Variants in LYPD6B observed in about 807,000 individuals in gnomAD.
LYPD6B encodes ly6/PLAUR domain-containing protein 6B.
LYPD6B carries 17 observed loss-of-function variants against 22.8 expected under a neutral mutation model. The observed-to-expected ratio is 0.75, with a 90% CI of 0.51 to 1.12. The LOEUF (loss-of-function observed/expected upper bound fraction) is 1.12, where lower values mean the gene tolerates loss of function less well. Among genes scored for constraint, LYPD6B ranks in the 50% most tolerant of loss-of-function variants. The pLI is 0.00. For missense variants in LYPD6B, 221 were observed against 258.3 expected, an observed-to-expected ratio of 0.86 and a Z score of 0.99; for synonymous variants, 106 against 91.6, an observed-to-expected ratio of 1.16 and a Z score of -0.90.
chr2:149,213,568 C>G (rs1282895394), intron 6 of LYPD6B, among the ~76,000 whole-genome samples: 7 of 152,204 alleles, frequency 4.6e-5, no homozygotes, highest in East Asian at 1.9e-4. Flanking sequence ...TCTAAATGAG[C>G]ATTTCACTCC....
intron 1 of LYPD6B, among the ~76,000 whole-genome samples, chr2:149,069,904 C>T (rs1209323742): frequency 6.7e-6 from 1 of 149,316 alleles, no homozygotes. Flanking sequence ...GCTAGCTGTA[C>T]AACTTTTTTT....
chr2:149,115,854 A>G (rs1182797503), intron 1 of LYPD6B, among the ~76,000 whole-genome samples: 1 of 152,252 alleles, frequency 6.6e-6, no homozygotes, highest in African/African-American at 2.4e-5. Context: ...GAAATAAACA[A>G]TTTATAAATG....
intron 3 of LYPD6B, among the ~76,000 whole-genome samples, chr2:149,188,503 T>C (rs1472186917): frequency 2.6e-5 from 4 of 152,186 alleles, no homozygotes; most frequent in African/African-American, 7.2e-5. Flanking sequence ...TCATTCAGGA[T>C]GTGATGAATA....
At chr2:149,106,621 T>G (rs1231707311) in intron 1 of LYPD6B, among the ~76,000 whole-genome samples, 28 of 152,184 alleles carry the variant, frequency 1.8e-4, no homozygotes, top group Non-Finnish European at 1.0e-4. Context: ...TGTTATGTTG[T>G]CAACTGTTTC....
At chr2:149,050,667 G>A (rs1683509641) in intron 1 of LYPD6B, among the ~76,000 whole-genome samples, 1 of 152,160 alleles carries the variant, frequency 6.6e-6, no homozygotes, top group Admixed American at 6.5e-5. Context: ...GTGTTACTGA[G>A]AAATGTGCAT....
At chr2:149,121,488 A>AT (rs1469119570) in intron 1 of LYPD6B, among the ~76,000 whole-genome samples, 12 of 152,286 alleles carry the variant, frequency 7.9e-5, no homozygotes, top group Admixed American at 6.5e-4. Flanking sequence ...AGAACACAGA[A>AT]TTCACCCCAT....
At chr2:149,153,242 A>C (rs190990918) in intron 2 of LYPD6B, among the ~76,000 whole-genome samples, 78 of 152,294 alleles carry the variant, frequency 5.1e-4, no homozygotes, top group African/African-American at 1.5e-3. Flanking sequence ...GGCTCTATTT[A>C]AGGACAGTCA....
intron 3 of LYPD6B, among the ~76,000 whole-genome samples, chr2:149,165,235 G>T (rs556429683): frequency 9.2e-5 from 14 of 152,226 alleles, no homozygotes; most frequent in African/African-American, 3.1e-4. Context: ...CAGAAATTAC[G>T]TAGCCTCTCT....
chr2:149,191,321 T>C (rs13394470), intron 3 of LYPD6B, among the ~76,000 whole-genome samples: 62,713 of 151,938 alleles, frequency 0.41, 13,144 homozygotes, highest in Non-Finnish European at 0.44. Context: ...AATAAAATTA[T>C]TCTTGTTCAA....
intron 1 of LYPD6B, among the ~76,000 whole-genome samples, chr2:149,109,687 T>C (rs181040752): frequency 1.1e-3 from 163 of 152,174 alleles, no homozygotes; most frequent in African/African-American, 3.8e-3. Flanking sequence ...TCAGTTCACT[T>C]ATGTTCCCTT....
chr2:149,062,811 A>T (rs1235118722), intron 1 of LYPD6B, among the ~76,000 whole-genome samples: 1 of 150,188 alleles, frequency 6.7e-6, no homozygotes, highest in Non-Finnish European at 1.5e-5. Flanking sequence ...TGTCTGTATT[A>T]GTCAGTAGGG....
intron 1 of LYPD6B, chr2:149,069,059 C>T (rs929249453): frequency 6.5e-6 from 1 of 152,720 alleles, no homozygotes; most frequent in African/African-American, 2.4e-5. Context: ...CCAACCCCCA[C>T]CCCGAAGTTC....
chr2:149,185,006 C>T (rs963541296), intron 3 of LYPD6B, among the ~76,000 whole-genome samples: 3 of 152,204 alleles, frequency 2.0e-5, no homozygotes, highest in Admixed American at 1.3e-4. Flanking sequence ...ATTCAGCAAA[C>T]ATTTGAGCCT....
chr2:149,142,395 A>T (rs1330762083), intron 2 of LYPD6B, among the ~76,000 whole-genome samples: 1 of 152,148 alleles, frequency 6.6e-6, no homozygotes, highest in East Asian at 1.9e-4. Flanking sequence ...GCATTTATTG[A>T]GGGTCTTACA....
At chr2:149,108,243 T>C (rs1053487716) in intron 1 of LYPD6B, among the ~76,000 whole-genome samples, 5 of 152,110 alleles carry the variant, frequency 3.3e-5, no homozygotes, top group Admixed American at 6.6e-5. Flanking sequence ...ATTGTAAGGC[T>C]CCCCCAGCCA....
Position 149,208,381 on chromosome 2 carries a change from T to C in LYPD6B, c.297T>C (p.Asn99=). 6.2e-7 allele frequency: 1 copy of C among 1,613,700 alleles called. No homozygotes were observed. The highest frequency in any genetic ancestry group is 8.5e-7 in the Non-Finnish European group (1 of 1,179,662). Residue 99 remains asparagine, a synonymous_variant, in exon 5 of 7, where the codon AAT becomes AAC. Coordinates refer to ENST00000409642, the MANE Select transcript of LYPD6B (RefSeq NM_177964.5). ...ACGCAGGGGATAATTATAACTGCAA[T>C]CGATGGGCAGAAGACAAATGGTGTC... The part of the protein sequence containing the change: ...CENAGDNYNC[N]RWAEDKWCPQ...
intron 4 of LYPD6B, among the ~76,000 whole-genome samples, chr2:149,206,509 G>A (rs1181952385): frequency 1.3e-5 from 2 of 151,926 alleles, no homozygotes; most frequent in African/African-American, 2.4e-5. Flanking sequence ...GAAAGACATG[G>A]CACAGACATC....
chr2:149,144,495 G>A (rs1198937189), intron 2 of LYPD6B, among the ~76,000 whole-genome samples: 2 of 152,114 alleles, frequency 1.3e-5, no homozygotes, highest in African/African-American at 4.8e-5. Context: ...AGGTTCAAGC[G>A]AGTCTCCTGC....
intron 1 of LYPD6B, among the ~76,000 whole-genome samples, chr2:149,117,957 G>A (rs1267070080): frequency 6.6e-6 from 1 of 152,156 alleles, no homozygotes. Context: ...CTGAAGGCTG[G>A]AGGATTTATT....
Sources: allele counts gnomAD v4.1 joint callset (sites outside exome capture counted in the v4.1 genomes callset), GRCh38; gene constraint gnomAD v4.1.1; transcripts MANE v1.5; gene names NCBI Gene and HGNC (gene_info 2026-07-23, HGNC 2026-07-21).